Variants in DACH2 observed in about 807,000 individuals in gnomAD.
DACH2 encodes dachshund homolog 2.
DACH2 carries 17 observed loss-of-function variants against 35.8 expected under a neutral mutation model. The observed-to-expected ratio is 0.48, with a 90% confidence interval of 0.33 to 0.71. The LOEUF is 0.71. Ranked by LOEUF, DACH2 falls within the 30% of genes least tolerant of loss-of-function variation. The pLI, the probability that DACH2 is intolerant of heterozygous loss-of-function variation, is 0.02. For missense variants in DACH2, 469 were observed against 472.7 expected, an observed-to-expected ratio of 0.99 and a Z score of 0.07; for synonymous variants, 195 against 177.3, an observed-to-expected ratio of 1.10 and a Z score of -0.79.
chrX:86,194,044 A>C (rs1243290366), intron 1 of DACH2, among the ~76,000 whole-genome samples: 3 of 110,490 alleles, frequency 2.7e-5, no homozygotes, highest in East Asian at 2.8e-4. Context: ...TAACCTCTCT[A>C]TATATATCAC....
chrX:86,507,718 C>A (rs1489514796), intron 2 of DACH2, among the ~76,000 whole-genome samples: 1 of 111,701 alleles, frequency 9.0e-6, no homozygotes, highest in South Asian at 3.7e-4. Context: ...ATCATTTAGA[C>A]TTTATTTTGT....
chrX:86,404,705 C>T (rs1292108072), intron 2 of DACH2, among the ~76,000 whole-genome samples: 1 of 111,725 alleles, frequency 9.0e-6, no homozygotes, highest in Non-Finnish European at 1.9e-5. Flanking sequence ...GAATGGTGTC[C>T]CTCTTCTCAA....
chrX:86,685,161 G>T (rs995451435), intron 4 of DACH2, among the ~76,000 whole-genome samples: 1 of 111,399 alleles, frequency 9.0e-6, no homozygotes, highest in African/African-American at 3.3e-5. Flanking sequence ...ATCTGAGGTT[G>T]TATTGTGTTG....
chrX:86,512,656 C>G (rs1282684697), intron 2 of DACH2, among the ~76,000 whole-genome samples: 1 of 111,541 alleles, frequency 9.0e-6, no homozygotes, highest in African/African-American at 3.3e-5. Flanking sequence ...TGAGTTCTGA[C>G]AAATAGAAGG....
chrX:86,171,207 A>T (rs1022096003), intron 1 of DACH2, among the ~76,000 whole-genome samples: 3 of 102,660 alleles, frequency 2.9e-5, no homozygotes, highest in Non-Finnish European at 6.1e-5. Context: ...TAAATGCAAG[A>T]CAAAGTCCTT....
chrX:86,609,149 T>A (rs2039897268), intron 3 of DACH2, among the ~76,000 whole-genome samples: 1 of 111,778 alleles, frequency 8.9e-6, no homozygotes, highest in African/African-American at 3.2e-5. Flanking sequence ...TATAAGCATG[T>A]TTCATTTTGT....
intron 1 of DACH2, among the ~76,000 whole-genome samples, chrX:86,260,797 G>A (rs748480801): frequency 2.3e-4 from 19 of 82,651 alleles, no homozygotes; most frequent in Non-Finnish European, 3.8e-4. Context: ...AATTTTGTAA[G>A]GATTGGAACT....
At chrX:86,422,640 T>C (rs1355326359) in intron 2 of DACH2, among the ~76,000 whole-genome samples, 2 of 111,490 alleles carry the variant, frequency 1.8e-5, no homozygotes, top group Non-Finnish European at 3.8e-5. Flanking sequence ...ATGGGTTATC[T>C]ATTCTCTCAA....
At chrX:86,418,081 C>T (rs2036739718) in intron 2 of DACH2, among the ~76,000 whole-genome samples, 1 of 112,257 alleles carries the variant, frequency 8.9e-6, no homozygotes, top group Non-Finnish European at 1.9e-5. Flanking sequence ...GTCTCACATC[C>T]AGGTCACACT....
chrX:86,451,761 G>C (rs1269116518), intron 2 of DACH2, among the ~76,000 whole-genome samples: 1 of 110,741 alleles, frequency 9.0e-6, no homozygotes, highest in Non-Finnish European at 1.9e-5. Flanking sequence ...TCTTTTTAAA[G>C]AGGTTCTTCA....
At chrX:86,780,364 C>G (rs923087849) in intron 7 of DACH2, among the ~76,000 whole-genome samples, 1 of 111,070 alleles carries the variant, frequency 9.0e-6, no homozygotes, top group Non-Finnish European at 1.9e-5. Flanking sequence ...AAATGACCAA[C>G]ATAGTATTCA....
intron 5 of DACH2, among the ~76,000 whole-genome samples, chrX:86,710,173 A>G (rs2041262976): frequency 1.8e-5 from 2 of 112,591 alleles, no homozygotes; most frequent in African/African-American, 6.4e-5. Flanking sequence ...CTATGGAAAC[A>G]TATTTAGCAA....
At chrX:86,639,772 G>A (rs1305691496) in intron 3 of DACH2, among the ~76,000 whole-genome samples, 1 of 111,544 alleles carries the variant, frequency 9.0e-6, no homozygotes, top group African/African-American at 3.3e-5. Context: ...CAGCCATCAG[G>A]CTTTGAAGAT....
At chrX:86,364,525 G>A (rs1487467156) in intron 1 of DACH2, among the ~76,000 whole-genome samples, 1 of 111,038 alleles carries the variant, frequency 9.0e-6, no homozygotes, top group Non-Finnish European at 1.9e-5. Flanking sequence ...TTTATACAAC[G>A]TGGAAGAGAA....
intron 3 of DACH2, among the ~76,000 whole-genome samples, chrX:86,606,297 GT>G (rs762788401): frequency 8.3e-4 from 85 of 101,982 alleles, no homozygotes; most frequent in Non-Finnish European, 1.1e-3. Context: ...TTTATTTGAA[GT>G]TTTTTTTTTT....
At chrX:86,542,894 C>A (rs907574265) in intron 3 of DACH2, among the ~76,000 whole-genome samples, 2 of 111,818 alleles carry the variant, frequency 1.8e-5, no homozygotes, top group African/African-American at 6.5e-5. Context: ...GCCAGAAACA[C>A]AATACTCCAA....
chrX:86,185,403 G>C (rs945367558), intron 1 of DACH2, among the ~76,000 whole-genome samples: 1 of 111,393 alleles, frequency 9.0e-6, no homozygotes, highest in Non-Finnish European at 1.9e-5. Context: ...TCCATGTAGG[G>C]GTAGGGAATC....
At chrX:86,785,970 T>C (rs1427414155) in intron 7 of DACH2, among the ~76,000 whole-genome samples, 1 of 111,262 alleles carries the variant, frequency 9.0e-6, no homozygotes, top group African/African-American at 3.3e-5. Context: ...AATTCGACAA[T>C]CATATCACAA....
At chrX:86,774,200 A>G (rs1348854744) in intron 7 of DACH2, among the ~76,000 whole-genome samples, 1 of 112,486 alleles carries the variant, frequency 8.9e-6, no homozygotes, top group Non-Finnish European at 1.9e-5. Context: ...CAAGAATTAT[A>G]TATGCAAATA....
Sources: gnomAD v4.1 joint callset for allele counts (sites outside exome capture counted in the v4.1 genomes callset) on GRCh38, gnomAD v4.1.1 for gene constraint, MANE v1.5 for transcripts, NCBI Gene and HGNC (gene_info 2026-07-23, HGNC 2026-07-21) for gene names.